The following TRAT1 variants were observed in gnomAD, a reference collection of about 807,000 sequenced individuals.
TRAT1 encodes T-cell receptor-associated transmembrane adapter 1.
TRAT1 carries 20 observed loss-of-function variants against 20.0 expected under a neutral mutation model. That is an observed-to-expected ratio of 1.00 (90% CI 0.70 to 1.45). The LOEUF (loss-of-function observed/expected upper bound fraction) is 1.45, where lower values mean the gene tolerates loss of function less well. Ranked by LOEUF, TRAT1 falls within the 40% of genes most tolerant of loss-of-function variation. The probability of loss-of-function intolerance (pLI) is 0.00; values close to 1 mark genes in which losing one functional copy is unlikely to be tolerated. For missense variants in TRAT1, 237 were observed against 224.1 expected (o/e 1.06, Z -0.37); for synonymous variants, 77 against 74.2 (o/e 1.04, Z -0.20).
Position 108,853,882 on chromosome 3 carries a change from A to G in TRAT1, c.*5A>G. Reference sequence around the variant, plus strand: ...AAGAGAGAACCTATAAACTAGCTGGACCATGATCTAGTTCAATGATTTGGC... The same window carrying G: ...AAGAGAGAACCTATAAACTAGCTGGGCCATGATCTAGTTCAATGATTTGGC... On this transcript the variant is annotated 3_prime_UTR_variant, in exon 6 of 6. Transcript: ENST00000295756. 1 of 1,612,828 alleles carries G rather than the reference A, an allele frequency of 6.2e-7. No homozygotes were observed. The highest frequency in any genetic ancestry group is 8.5e-7 in the Non-Finnish European group (1 of 1,179,028).
chr3:108,833,741 T>C (rs1440959898), intron 2 of TRAT1, among the ~76,000 whole-genome samples: 1 of 151,980 alleles, frequency 6.6e-6, no homozygotes, highest in Admixed American at 6.6e-5. Context: ...TGAGTTTCAG[T>C]TTCCTTATCT....
At chr3:108,826,993 T>C (rs1175201464) in intron 1 of TRAT1, among the ~76,000 whole-genome samples, 1 of 152,158 alleles carries the variant, frequency 6.6e-6, no homozygotes, top group Non-Finnish European at 1.5e-5. Flanking sequence ...TACTGTTGGC[T>C]TTAAGGGAGT....
chr3:108,833,375 G>A (rs911640732), intron 2 of TRAT1, among the ~76,000 whole-genome samples: 13 of 152,174 alleles, frequency 8.5e-5, no homozygotes, highest in South Asian at 6.2e-4. Flanking sequence ...CTGAAATAGC[G>A]CCACTGCACT....
chr3:108,850,505 A>G (rs2953354), intron 5 of TRAT1, among the ~76,000 whole-genome samples: 83,491 of 151,666 alleles, frequency 0.55, 23,406 homozygotes, highest in East Asian at 0.9. Context: ...GGGTTTCACC[A>G]TGTTGGTTAG....
chr3:108,836,200 G>A (rs867409132), intron 2 of TRAT1, among the ~76,000 whole-genome samples: 30 of 152,142 alleles, frequency 2.0e-4, no homozygotes, highest in Admixed American at 9.8e-4. Flanking sequence ...TTACAGGCAT[G>A]AGCCACCGTG....
At chr3:108,835,551 T>C (rs960218033) in intron 2 of TRAT1, among the ~76,000 whole-genome samples, 1 of 152,222 alleles carries the variant, frequency 6.6e-6, no homozygotes, top group African/African-American at 2.4e-5. Flanking sequence ...AAAGAGATTA[T>C]AACCTTCTTC....
chr3:108,845,119 C>T (rs1297498271), intron 3 of TRAT1, among the ~76,000 whole-genome samples: 1 of 152,108 alleles, frequency 6.6e-6, no homozygotes, highest in African/African-American at 2.4e-5. Flanking sequence ...TACTGCCAAA[C>T]ATTTGCTCCT....
intron 2 of TRAT1, among the ~76,000 whole-genome samples, chr3:108,836,815 C>A (rs1945846280): frequency 6.6e-6 from 1 of 152,188 alleles, no homozygotes; most frequent in Non-Finnish European, 1.5e-5. Context: ...AGGGCAAATG[C>A]ATTGCAAAAC....
At chr3:108,846,733 C>A (rs539175941) in intron 3 of TRAT1, among the ~76,000 whole-genome samples, 2 of 152,218 alleles carry the variant, frequency 1.3e-5, no homozygotes, top group Non-Finnish European at 2.9e-5. Flanking sequence ...TGATATAGTA[C>A]CTATGTTGGA....
At chr3:108,831,082 C>T (rs2107507526) in intron 2 of TRAT1, among the ~76,000 whole-genome samples, 1 of 152,256 alleles carries the variant, frequency 6.6e-6, no homozygotes, top group South Asian at 2.1e-4. Context: ...AAATTGTAGT[C>T]TATGCTGGGG....
At chr3:108,852,664 T>C (rs972107082) in intron 5 of TRAT1, among the ~76,000 whole-genome samples, 2 of 152,228 alleles carry the variant, frequency 1.3e-5, no homozygotes, top group African/African-American at 4.8e-5. Flanking sequence ...AGTTTTAGTC[T>C]ACAACTTTTC....
intron 2 of TRAT1, among the ~76,000 whole-genome samples, chr3:108,831,363 T>C (rs1945791239): frequency 6.6e-6 from 1 of 152,162 alleles, no homozygotes. Flanking sequence ...CATGTGGCTT[T>C]CAATCTGCAT....
chr3:108,842,227 G>A (rs912923334), intron 3 of TRAT1, among the ~76,000 whole-genome samples: 1 of 152,178 alleles, frequency 6.6e-6, no homozygotes, highest in African/African-American at 2.4e-5. Context: ...GGGGGACACT[G>A]GAGGTGCTTT....
At chr3:108,842,713 G>C (rs941580696) in intron 3 of TRAT1, among the ~76,000 whole-genome samples, 1 of 152,196 alleles carries the variant, frequency 6.6e-6, no homozygotes, top group Non-Finnish European at 1.5e-5. Context: ...CGTCATTTTA[G>C]AAATTGTCAT....
chr3:108,849,865 C>T (rs1945982327), intron 5 of TRAT1, among the ~76,000 whole-genome samples: 1 of 152,126 alleles, frequency 6.6e-6, no homozygotes, highest in South Asian at 2.1e-4. Flanking sequence ...TCTGTTCAAC[C>T]TCTTCAGTTT....
chr3:108,845,011 G>C (rs1358077977), intron 3 of TRAT1, among the ~76,000 whole-genome samples: 1 of 152,036 alleles, frequency 6.6e-6, no homozygotes, highest in Non-Finnish European at 1.5e-5. Context: ...GAACAATGGA[G>C]AGTCTGGTCT....
intron 4 of TRAT1, 84 bp downstream of exon 4, chr3:108,847,213 C>T (rs878989525): frequency 1.3e-6 from 1 of 780,314 alleles, no homozygotes; most frequent in South Asian, 1.6e-5. Flanking sequence ...TTAAAAAAAT[C>T]AAATCACACT....
intron 3 of TRAT1, among the ~76,000 whole-genome samples, chr3:108,846,826 T>C (rs1241200463): frequency 4.6e-5 from 7 of 152,228 alleles, no homozygotes; most frequent in Non-Finnish European, 1.0e-4. Context: ...AAGTATTTGC[T>C]ATCATGATTC....
At chr3:108,827,678 C>T (rs549524320) in intron 1 of TRAT1, among the ~76,000 whole-genome samples, 1 of 151,906 alleles carries the variant, frequency 6.6e-6, no homozygotes, top group Non-Finnish European at 1.5e-5. Context: ...GCAGAGGAAA[C>T]CAGAGACCAT....
Sources: allele counts gnomAD v4.1 joint callset (sites outside exome capture counted in the v4.1 genomes callset), GRCh38; gene constraint gnomAD v4.1.1; transcripts MANE v1.5; gene names NCBI Gene and HGNC (gene_info 2026-07-23, HGNC 2026-07-21).